Variants in DR1 observed in about 807,000 individuals in gnomAD.
DR1 encodes protein Dr1.
DR1 carries 7 observed loss-of-function variants against 19.9 expected under a neutral mutation model. The ratio of observed to expected loss-of-function variants is 0.35; its 90% CI spans 0.20 to 0.66. DR1 has a LOEUF of 0.66. DR1 is among the 30% of genes least tolerant of loss of function. DR1 has a pLI of 0.66. For synonymous variants in DR1, 76 were observed against 72.5 expected (o/e 1.05, Z -0.24); for missense variants, 98 against 203.7 (o/e 0.48, Z 3.16).
At chr1:93,354,122 A>G in intron 2 of DR1, 51 bp downstream of exon 2, 1 of 1,542,664 alleles carries the variant, frequency 6.5e-7, no homozygotes, top group Non-Finnish European at 8.8e-7. Context: ...CTGTTTGCTA[A>G]CTGAAATTGC....
chr1:93,361,970 T>G lies in DR1; in HGVS notation c.*1331T>G, dbSNP rs1667059273. On this transcript the variant is annotated 3_prime_UTR_variant, in exon 3 of 3. Transcript: ENST00000370272. ...TTGGAAACAGAAAGGAAAAGTCACTTAAGATAGTATTAAGTAATTAAATTC... is the reference window on the plus strand; with the variant it reads ...TTGGAAACAGAAAGGAAAAGTCACTGAAGATAGTATTAAGTAATTAAATTC... 6.6e-6 allele frequency: 1 copy of G among 152,500 alleles called. No individual in the cohort carries two copies. Among genetic ancestry groups the G allele is most frequent in the African/African-American group, 2.4e-5 (1 of 41,438 alleles). 9.4% of individuals were successfully genotyped at this position (152,500 alleles called of 1,614,324 possible).
In DR1 at chr1:93,368,628, T is replaced by C. The variant is rs749672559; in HGVS notation, c.*7989T>C. 3 of 152,202 alleles carry C rather than the reference T, an allele frequency of 2.0e-5. No individual in the cohort carries two copies. The highest frequency in any genetic ancestry group is 4.4e-5 in the Non-Finnish European group (3 of 68,026). The allele number at this position is 152,202 out of a possible 1,614,324, so 9.4% of individuals were successfully genotyped here. ...TAAAAGATGCCATTAACTTCATATT[T>C]ATGTCACTAATAAACTTCTAGAATC... On this transcript the variant is annotated 3_prime_UTR_variant, in exon 3 of 3. Coordinates refer to ENST00000370272, the MANE Select transcript of DR1 (RefSeq NM_001938.3).
At chr1:93,356,139 A>AG (rs1399784952) in intron 2 of DR1, among the ~76,000 whole-genome samples, 1 of 152,202 alleles carries the variant, frequency 6.6e-6, no homozygotes, top group Non-Finnish European at 1.5e-5. Context: ...TGGATTGAGT[A>AG]GGGGGCAAGA....
intron 2 of DR1, among the ~76,000 whole-genome samples, chr1:93,358,360 A>G (rs557746417): frequency 7.2e-5 from 11 of 152,144 alleles, no homozygotes; most frequent in Non-Finnish European, 1.6e-4. Flanking sequence ...GGATGGAGGA[A>G]GAGAAAGGGT....
At position 93,360,724 on chromosome 1, in the gene DR1, T is replaced by G; in HGVS notation, c.*85T>G. 1 of 1,458,754 alleles carries G rather than the reference T, an allele frequency of 6.9e-7. No homozygotes were observed. The highest frequency in any genetic ancestry group is 9.2e-7 in the Non-Finnish European group (1 of 1,083,546). The allele number at this position is 1,458,754 out of a possible 1,614,324, so 90.4% of individuals were successfully genotyped here. On this transcript the variant is annotated 3_prime_UTR_variant, in exon 3 of 3. Coordinates refer to ENST00000370272, the MANE Select transcript of DR1 (RefSeq NM_001938.3). ...GTGAAAGAAATGCTTATCTGTAATT[T>G]TGTATGCATCTTGGTGGACTTGTCA...
Position 93,364,422 on chromosome 1 carries a change from A to T in DR1, c.*3783A>T, listed in dbSNP as rs1667093718. On this transcript the variant is annotated 3_prime_UTR_variant, in exon 3 of 3. Coordinates refer to ENST00000370272, the MANE Select transcript of DR1 (RefSeq NM_001938.3). The stretch of plus-strand genomic sequence containing the variant: ...TTGGGTTATAACCTCATTAAAATGC[A>T]TGATATTTCCTTATATAGGTTTCTA... The T allele has an allele frequency of 6.6e-6, 1 of 152,236 alleles. No individual in the cohort carries two copies. The highest frequency in any genetic ancestry group is 2.4e-5 in the African/African-American group (1 of 41,470). The allele number at this position is 152,236 out of a possible 1,614,324, so 9.4% of individuals were successfully genotyped here. A position where few individuals can be genotyped will look rare whatever the true frequency, so the allele number is the denominator to read the frequency against.
At chr1:93,347,396 A>T (rs973981233) in intron 1 of DR1, among the ~76,000 whole-genome samples, 13 of 152,218 alleles carry the variant, frequency 8.5e-5, no homozygotes, top group African/African-American at 2.4e-5. Context: ...TAAAAGGTGT[A>T]TGTTTTCTGC....
At chr1:93,355,279 G>C (rs1666966306) in intron 2 of DR1, 2 of 152,118 alleles carry the variant, frequency 1.3e-5, no homozygotes, top group Non-Finnish European at 2.9e-5. Context: ...CCTTGAAATT[G>C]TTTGTCATTT....
In DR1 at chr1:93,360,715, T is replaced by C; in HGVS notation, c.*76T>C. On this transcript the variant is annotated 3_prime_UTR_variant, in exon 3 of 3. Coordinates refer to ENST00000370272, the MANE Select transcript of DR1 (RefSeq NM_001938.3). ...ACAAAAACAGTGAAAGAAATGCTTATCTGTAATTTTGTATGCATCTTGGTG... is the reference window on the plus strand; with the variant it reads ...ACAAAAACAGTGAAAGAAATGCTTACCTGTAATTTTGTATGCATCTTGGTG... The C allele has an allele frequency of 6.6e-7, 1 of 1,513,040 alleles. No individual in the cohort carries two copies. The highest frequency in any genetic ancestry group is 8.9e-7 in the Non-Finnish European group (1 of 1,128,814). The allele number at this position is 1,513,040 out of a possible 1,614,324, so 93.7% of individuals were successfully genotyped here. A position where few individuals can be genotyped will look rare whatever the true frequency, so the allele number is the denominator to read the frequency against.
At position 93,346,503 on chromosome 1, in the gene DR1, C is replaced by T; in HGVS notation, c.-143C>T. 1 of 646,728 alleles carries T rather than the reference C, an allele frequency of 1.5e-6. No homozygotes were observed. Among genetic ancestry groups the T allele is most frequent in the Non-Finnish European group, 2.7e-6 (1 of 371,616 alleles). The allele number at this position is 646,728 out of a possible 1,614,324, so 40.1% of individuals were successfully genotyped here. ...GTTCCCAGCCCTCAAGCCAGCTGCT[C>T]CTCCGTTCATTTTCTGCACCCTCTT... On this transcript the variant is annotated 5_prime_UTR_variant, in exon 1 of 3. Transcript: ENST00000370272.
At chr1:93,360,029 A>G (rs549570144) in intron 2 of DR1, among the ~76,000 whole-genome samples, 1 of 152,304 alleles carries the variant, frequency 6.6e-6, no homozygotes, top group Non-Finnish European at 1.5e-5. Flanking sequence ...AGGTAGAGGT[A>G]CTATACTAGA....
rs1667180661 is a variant in DR1, at chr1:93,367,442, G to A, written c.*6803G>A. The A allele has an allele frequency of 1.3e-5, 2 of 152,140 alleles. No individual in the cohort carries two copies. Among genetic ancestry groups the A allele is most frequent in the South Asian group, 4.1e-4 (2 of 4,826 alleles). The allele number at this position is 152,140 out of a possible 1,614,324, so 9.4% of individuals were successfully genotyped here. A position where few individuals can be genotyped will look rare whatever the true frequency, so the allele number is the denominator to read the frequency against. On this transcript the variant is annotated 3_prime_UTR_variant, in exon 3 of 3. Coordinates refer to ENST00000370272, the MANE Select transcript of DR1 (RefSeq NM_001938.3). ...TTCGTTTTTCAACCTGCTTATTTCA[G>A]TTCAGTGTCTTGGGTAGCTGGAGCC...
intron 1 of DR1, among the ~76,000 whole-genome samples, chr1:93,352,997 C>G (rs11799543): frequency 0.086 from 13,062 of 151,108 alleles, 1,869 homozygotes; most frequent in African/African-American, 0.3. Context: ...TGGACTTAAG[C>G]AATCCTCTCA....
At chr1:93,354,125 G>T in intron 2 of DR1, 54 bp downstream of exon 2, 2 of 1,532,330 alleles carry the variant, frequency 1.3e-6, no homozygotes, top group Non-Finnish European at 1.8e-6. Flanking sequence ...TTTGCTAACT[G>T]AAATTGCTTC....
At chr1:93,354,556 A>G (rs1195312393) in intron 2 of DR1, among the ~76,000 whole-genome samples, 1 of 152,194 alleles carries the variant, frequency 6.6e-6, no homozygotes, top group East Asian at 1.9e-4. Context: ...GCTTGTAATA[A>G]TTCTAATATC....
chr1:93,364,876 CAG>C lies in DR1; in HGVS notation c.*4240_*4241del, dbSNP rs1667100962. On this transcript the variant is annotated 3_prime_UTR_variant, in exon 3 of 3. Coordinates refer to ENST00000370272, the MANE Select transcript of DR1 (RefSeq NM_001938.3). ...CTTTTTTTTTTTTTTTTTTTTGAGACAGAGTCTTGCTCTGTCACCCAGGCTGG... is the reference window on the plus strand; with the variant it reads ...CTTTTTTTTTTTTTTTTTTTTGAGACAGTCTTGCTCTGTCACCCAGGCTGG... 1.1e-5 allele frequency: 1 copy of C among 92,520 alleles called. No homozygotes were observed. The allele number at this position is 92,520 out of a possible 1,614,324, so 5.7% of individuals were successfully genotyped here.
intron 1 of DR1, among the ~76,000 whole-genome samples, chr1:93,348,883 G>T (rs904368292): frequency 1.3e-5 from 2 of 151,944 alleles, no homozygotes; most frequent in Non-Finnish European, 2.9e-5. Flanking sequence ...TTATTCCAAA[G>T]AAGTTTTGTT....
At chr1:93,353,560 A>G (rs537079338) in intron 1 of DR1, among the ~76,000 whole-genome samples, 2 of 152,296 alleles carry the variant, frequency 1.3e-5, no homozygotes, top group African/African-American at 2.4e-5. Context: ...ATGACACAAA[A>G]TGTTTTTTCT....
In DR1 at chr1:93,364,064, T is replaced by C. The variant is rs1667090624; in HGVS notation, c.*3425T>C. ...GTATATTTTCAGTTTTAGTATTTACTGTCAAACAGTTTTCCAAAGTGACTG... is the reference window on the plus strand; with the variant it reads ...GTATATTTTCAGTTTTAGTATTTACCGTCAAACAGTTTTCCAAAGTGACTG... On this transcript the variant is annotated 3_prime_UTR_variant, in exon 3 of 3. Coordinates refer to ENST00000370272, the MANE Select transcript of DR1 (RefSeq NM_001938.3). 2 of 152,252 alleles carry C rather than the reference T, an allele frequency of 1.3e-5. No homozygotes were observed. Among genetic ancestry groups the C allele is most frequent in the Non-Finnish European group, 1.5e-5 (1 of 68,034 alleles). 9.4% of individuals were successfully genotyped at this position (152,252 alleles called of 1,614,324 possible).
Sources: gnomAD v4.1 joint callset for allele counts (sites outside exome capture counted in the v4.1 genomes callset) on GRCh38, gnomAD v4.1.1 for gene constraint, MANE v1.5 for transcripts, NCBI Gene and HGNC (gene_info 2026-07-23, HGNC 2026-07-21) for gene names.